SLC5A7: variants seen among roughly 807,000 people sequenced by gnomAD.
SLC5A7 encodes solute carrier family 5 member 7, also known as high affinity choline transporter 1.
SLC5A7 carries 19 observed loss-of-function variants against 55.4 expected under a neutral mutation model. The ratio of observed to expected loss-of-function variants is 0.34; its 90% CI spans 0.24 to 0.50. The LOEUF (loss-of-function observed/expected upper bound fraction) is 0.50. SLC5A7 is among the 20% of genes least tolerant of loss of function. SLC5A7 has a pLI of 0.98. For missense variants in SLC5A7, 506 were observed against 705.3 expected (o/e 0.72, Z 3.20); for synonymous variants, 265 against 263.7 (o/e 1.00, Z -0.05).
chr2:108,004,713 T>C (rs1180709216), intron 6 of SLC5A7, among the ~76,000 whole-genome samples: 1 of 152,174 alleles, frequency 6.6e-6, no homozygotes, highest in Non-Finnish European at 1.5e-5. Context: ...CCCAGTGGTC[T>C]CAACTGCCTG....
chr2:107,989,535 A>G (rs527935229), intron 2 of SLC5A7, among the ~76,000 whole-genome samples: 37 of 152,330 alleles, frequency 2.4e-4, no homozygotes, highest in African/African-American at 8.9e-4. Flanking sequence ...CGGCATTATG[A>G]TGAGCATCTG....
At chr2:107,988,622 A>G (rs1677334052) in intron 2 of SLC5A7, among the ~76,000 whole-genome samples, 1 of 152,228 alleles carries the variant, frequency 6.6e-6, no homozygotes, top group Non-Finnish European at 1.5e-5. Flanking sequence ...GGGTGGAAAC[A>G]GAGTAAAAAC....
Position 107,992,150 on chromosome 2 carries a change from G to A in SLC5A7, c.223G>A (p.Val75Ile). Residue 75 changes from valine (V) to isoleucine (I), a missense_variant, in exon 3 of 9, where the codon GTT (valine) becomes ATT (isoleucine). Physicochemically the swap from Val to Ile is conservative, Grantham distance 29. Around this residue, in one of 4 missense-constraint regions of SLC5A7, gnomAD observed 309 missense variants for 478.6 expected, o/e 0.65. Transcript: ENST00000264047. ...GGYINGTAEAVYVPGYGLAWA... is the reference protein window; with the variant it reads ...GGYINGTAEAIYVPGYGLAWA... Reference sequence around the variant, plus strand: ...GTATATCAATGGCACAGCTGAAGCAGTTTATGTACCAGGTTATGGCCTAGC... The same window carrying A: ...GTATATCAATGGCACAGCTGAAGCAATTTATGTACCAGGTTATGGCCTAGC... 1 of 1,613,866 alleles carries A rather than the reference G, an allele frequency of 6.2e-7. No homozygotes were observed. The highest frequency in any genetic ancestry group is 8.5e-7 in the Non-Finnish European group (1 of 1,179,794).
rs1305187597 is a variant in SLC5A7, at chr2:108,011,359, T to C, written c.*498T>C. The C allele has an allele frequency of 2.6e-5, 4 of 152,364 alleles. No homozygotes were observed. Among genetic ancestry groups the C allele is most frequent in the African/African-American group, 7.2e-5 (3 of 41,472 alleles). 9.4% of individuals were successfully genotyped at this position (152,364 alleles called of 1,614,324 possible). ...TTTCTTAGTGTGATGATTAACCCCTTCTTTCATGTTCTGAGCTATAACATT... is the reference window on the plus strand; with the variant it reads ...TTTCTTAGTGTGATGATTAACCCCTCCTTTCATGTTCTGAGCTATAACATT... On this transcript the variant is annotated 3_prime_UTR_variant, in exon 9 of 9. Coordinates refer to ENST00000264047, the MANE Select transcript of SLC5A7 (RefSeq NM_021815.5).
intron 6 of SLC5A7, 105 bp downstream of exon 6, chr2:108,002,145 T>C (rs1677935423): frequency 3.8e-6 from 5 of 1,328,276 alleles, no homozygotes; most frequent in Non-Finnish European, 5.1e-6. Context: ...TGTGGGCTCA[T>C]GGCCATTTCT....
chr2:108,001,852 G>T, intron 5 of SLC5A7, 45 bp from the exon 6 acceptor site: 5 of 1,607,650 alleles, frequency 3.1e-6, no homozygotes, highest in Non-Finnish European at 4.3e-6. Context: ...ATATCAGACA[G>T]TTGAAAACCA....
intron 2 of SLC5A7, among the ~76,000 whole-genome samples, chr2:107,989,854 A>G (rs985515345): frequency 2.0e-5 from 3 of 152,172 alleles, no homozygotes; most frequent in African/African-American, 7.2e-5. Flanking sequence ...TAAAAATAAT[A>G]TTTTATATTT....
At chr2:107,997,764 T>A in intron 4 of SLC5A7, 74 bp from the exon 5 acceptor site, 1 of 1,354,792 alleles carries the variant, frequency 7.4e-7, no homozygotes, top group East Asian at 2.7e-5. Flanking sequence ...ATCACTGAAC[T>A]TTCATTATGT....
chr2:108,008,718 C>A, intron 8 of SLC5A7, 36 bp downstream of exon 8: 8 of 1,544,704 alleles, frequency 5.2e-6, no homozygotes, highest in Non-Finnish European at 7.1e-6. Context: ...CATTTACTAG[C>A]ATTGCTCTTG....
chr2:108,012,064 A>C lies in SLC5A7; in HGVS notation c.*1203A>C, dbSNP rs1678348665. On this transcript the variant is annotated 3_prime_UTR_variant, in exon 9 of 9. Transcript: ENST00000264047. ...AAATAAAATAAGTCCTAAAGTGAAG[A>C]AGCCATCAATTTTAACATTTGATGT... 1 of 152,604 alleles carries C rather than the reference A, an allele frequency of 6.6e-6. No homozygotes were observed. The highest frequency in any genetic ancestry group is 1.5e-5 in the Non-Finnish European group (1 of 68,018). The allele number at this position is 152,604 out of a possible 1,614,324, so 9.5% of individuals were successfully genotyped here. A position where few individuals can be genotyped will look rare whatever the true frequency, so the allele number is the denominator to read the frequency against.
At chr2:108,003,642 C>A (rs1025402610) in intron 6 of SLC5A7, among the ~76,000 whole-genome samples, 6 of 152,130 alleles carry the variant, frequency 3.9e-5, no homozygotes, top group African/African-American at 1.2e-4. Context: ...ACACTTGGAA[C>A]CTTCCCACTG....
chr2:108,005,149 GTATT>G (rs1233290492), intron 6 of SLC5A7, among the ~76,000 whole-genome samples: 1 of 152,164 alleles, frequency 6.6e-6, no homozygotes, highest in Non-Finnish European at 1.5e-5. Context: ...AGAAGTTCTA[GTATT>G]TATTATTTGA....
intron 6 of SLC5A7, 134 bp downstream of exon 6, chr2:108,002,174 C>T: frequency 1.9e-6 from 2 of 1,072,828 alleles, no homozygotes; most frequent in Non-Finnish European, 2.6e-6. Flanking sequence ...GACTCTCTAT[C>T]GGGAGGGTGG....
At chr2:108,006,476 T>C (rs1678129868) in intron 7 of SLC5A7, among the ~76,000 whole-genome samples, 1 of 149,854 alleles carries the variant, frequency 6.7e-6, no homozygotes, top group South Asian at 2.2e-4. Flanking sequence ...TGCCTCGGTC[T>C]CCCAAAGTGC....
chr2:108,007,559 A>AT (rs1350009800), intron 7 of SLC5A7, among the ~76,000 whole-genome samples: 1 of 151,854 alleles, frequency 6.6e-6, no homozygotes, highest in Non-Finnish European at 1.5e-5. Context: ...CATTAAGCCT[A>AT]TTTTTTCTTG....
intron 5 of SLC5A7, among the ~76,000 whole-genome samples, chr2:108,000,701 C>T (rs1262602924): frequency 6.6e-6 from 1 of 151,918 alleles, no homozygotes; most frequent in Admixed American, 6.6e-5. Flanking sequence ...TTTAAGCAAT[C>T]CTCCCACCTC....
chr2:107,986,716 G>C lies in SLC5A7; in HGVS notation c.-99G>C, dbSNP rs1451788570. The C allele has an allele frequency of 6.6e-6, 1 of 152,596 alleles. No homozygotes were observed. The highest frequency in any genetic ancestry group is 2.4e-5 in the African/African-American group (1 of 41,456). The allele number at this position is 152,596 out of a possible 1,614,324, so 9.5% of individuals were successfully genotyped here. On this transcript the variant is annotated 5_prime_UTR_variant, in exon 1 of 9. Transcript: ENST00000264047. ...CACCCACACCCCTCGCGGTTCCAGG[G>C]GGCGGCGGCCCCGGGCGGAGCGCTT...
At chr2:108,002,119 A>G (rs934504066) in intron 6 of SLC5A7, 79 bp downstream of exon 6, 25 of 1,533,758 alleles carry the variant, frequency 1.6e-5, no homozygotes, top group Non-Finnish European at 2.2e-5. Flanking sequence ...TCATATTCAT[A>G]GTAAAAAAAT....
At chr2:107,995,470 A>AGAGTGT (rs1405177003) in intron 4 of SLC5A7, among the ~76,000 whole-genome samples, 58 of 137,258 alleles carry the variant, frequency 4.2e-4, no homozygotes, top group African/African-American at 1.5e-3. Flanking sequence ...AGAGAGAGAG[A>AGAGTGT]GTGTGTGTGT....
Sources: allele counts gnomAD v4.1 joint callset (sites outside exome capture counted in the v4.1 genomes callset), GRCh38; gene constraint gnomAD v4.1.1; regional missense constraint gnomAD v4.1.1; transcripts MANE v1.5; gene names NCBI Gene and HGNC (gene_info 2026-07-23, HGNC 2026-07-21).